Variants in POFUT3 observed in about 807,000 individuals in gnomAD.
POFUT3 encodes the protein protein O-fucosyltransferase 3, also known as GDP-fucose protein O-fucosyltransferase 3.
chr8:33,324,010 G>A, the POFUT3 span, among the ~76,000 whole-genome samples: 2 of 152,180 alleles, frequency 1.3e-5, no homozygotes, highest in African/African-American at 4.8e-5. Context: ...AATCAGGGCT[G>A]GGTGGTGGGA....
chr8:33,451,100 A>G, the POFUT3 span, among the ~76,000 whole-genome samples: 4 of 150,968 alleles, frequency 2.6e-5, no homozygotes, highest in Non-Finnish European at 5.9e-5. Flanking sequence ...GTACACATAC[A>G]TGTACATACA....
the POFUT3 span, among the ~76,000 whole-genome samples, chr8:33,396,347 G>T: frequency 1.3e-5 from 2 of 152,108 alleles, no homozygotes; most frequent in African/African-American, 4.8e-5. Flanking sequence ...CATTCCCACT[G>T]TTTGAAATAC....
the POFUT3 span, among the ~76,000 whole-genome samples, chr8:33,385,367 T>G: frequency 6.6e-6 from 1 of 152,132 alleles, no homozygotes; most frequent in East Asian, 1.9e-4. Flanking sequence ...AATGAAGAAA[T>G]TATTGTACTG....
At chr8:33,326,685 C>T in the POFUT3 span, among the ~76,000 whole-genome samples, 13 of 152,288 alleles carry the variant, frequency 8.5e-5, no homozygotes, top group Middle Eastern at 3.4e-3. Context: ...TCTTTTAGAG[C>T]TTCCTTTGCC....
the POFUT3 span, chr8:33,372,041 A>G: frequency 1.9e-6 from 1 of 519,130 alleles, no homozygotes; most frequent in Non-Finnish European, 2.5e-6. Flanking sequence ...GAAGGTAGAC[A>G]CACATAAGTT....
the POFUT3 span, among the ~76,000 whole-genome samples, chr8:33,360,572 C>T: frequency 6.6e-6 from 1 of 152,116 alleles, no homozygotes; most frequent in Non-Finnish European, 1.5e-5. Context: ...TTTTCCTCCC[C>T]TACACCCCCT....
chr8:33,308,220 T>C, the POFUT3 span, among the ~76,000 whole-genome samples: 3 of 152,162 alleles, frequency 2.0e-5, no homozygotes, highest in Non-Finnish European at 2.9e-5. Context: ...ATGTATACTA[T>C]AAACCTTAAA....
chr8:33,364,897 T>C, the POFUT3 span, among the ~76,000 whole-genome samples: 1 of 152,162 alleles, frequency 6.6e-6, no homozygotes, highest in Admixed American at 6.5e-5. Flanking sequence ...TTCACAGAAT[T>C]GGAAAAACCG....
At chr8:33,442,463 TTAG>T in the POFUT3 span, among the ~76,000 whole-genome samples, 1 of 150,796 alleles carries the variant, frequency 6.6e-6, no homozygotes, top group African/African-American at 2.4e-5. Flanking sequence ...AATTATTTTT[TTAG>T]TTACAGATGG....
At chr8:33,384,425 CA>C in the POFUT3 span, among the ~76,000 whole-genome samples, 1 of 152,164 alleles carries the variant, frequency 6.6e-6, no homozygotes, top group Non-Finnish European at 1.5e-5. Flanking sequence ...GAAGGAATAG[CA>C]ATTAGTCCTT....
At chr8:33,356,222 T>C in the POFUT3 span, among the ~76,000 whole-genome samples, 3 of 152,220 alleles carry the variant, frequency 2.0e-5, no homozygotes, top group Non-Finnish European at 4.4e-5. Context: ...GTATTTCTAG[T>C]TCTAGATCCC....
the POFUT3 span, among the ~76,000 whole-genome samples, chr8:33,384,380 G>A: frequency 2.0e-5 from 3 of 152,282 alleles, no homozygotes; most frequent in Admixed American, 2.0e-4. Context: ...CTAGTCTCTA[G>A]TCTCCCAGTG....
the POFUT3 span, among the ~76,000 whole-genome samples, chr8:33,463,610 T>G: frequency 1.3e-5 from 2 of 152,112 alleles, no homozygotes; most frequent in African/African-American, 4.8e-5. Flanking sequence ...AGTAGTGTGA[T>G]CATGGCTCAC....
At chr8:33,465,997 C>A in the POFUT3 span, among the ~76,000 whole-genome samples, 5 of 152,222 alleles carry the variant, frequency 3.3e-5, no homozygotes, top group East Asian at 1.9e-4. Context: ...CTTTTTGGGA[C>A]CTTCGCATAG....
At chr8:33,365,659 T>C in the POFUT3 span, among the ~76,000 whole-genome samples, 1 of 152,198 alleles carries the variant, frequency 6.6e-6, no homozygotes, top group Non-Finnish European at 1.5e-5. Context: ...GAAAAAATGC[T>C]CATCATCACT....
At chr8:33,419,001 C>T in the POFUT3 span, among the ~76,000 whole-genome samples, 1 of 151,928 alleles carries the variant, frequency 6.6e-6, no homozygotes, top group South Asian at 2.1e-4. Flanking sequence ...CACGTTCTCA[C>T]TTATATGTGG....
At chr8:33,417,325 T>A in the POFUT3 span, among the ~76,000 whole-genome samples, 1 of 152,206 alleles carries the variant, frequency 6.6e-6, no homozygotes, top group Non-Finnish European at 1.5e-5. Flanking sequence ...TTTCATTATA[T>A]ATTACAATGT....
chr8:33,472,034 T>C, the POFUT3 span, among the ~76,000 whole-genome samples: 17 of 152,168 alleles, frequency 1.1e-4, no homozygotes, highest in African/African-American at 3.9e-4. Flanking sequence ...GAGACTACGG[T>C]AGACCAGGGA....
the POFUT3 span, chr8:33,388,876 G>T: frequency 9.8e-7 from 1 of 1,024,378 alleles, no homozygotes; most frequent in Non-Finnish European, 1.5e-6. Flanking sequence ...CACTGATGAG[G>T]TGGCAACAAC....
Sources: allele counts gnomAD v4.1 joint callset (sites outside exome capture counted in the v4.1 genomes callset), GRCh38; gene constraint gnomAD v4.1.1; transcripts MANE v1.5; gene names NCBI Gene and HGNC (gene_info 2026-07-23, HGNC 2026-07-21).